CAPS2: variants seen among roughly 807,000 people sequenced by gnomAD.
CAPS2 encodes calcyphosine 2, also known as calcyphosin-2.
A neutral mutation model predicts 86.5 loss-of-function variants in CAPS2; 98 were observed. The ratio of observed to expected loss-of-function variants is 1.13; its 90% CI spans 0.96 to 1.34. CAPS2 has a LOEUF of 1.34. CAPS2 is among the 40% of genes most tolerant of loss of function. The pLI, the probability that CAPS2 is intolerant of heterozygous loss-of-function variation, is 0.00. For missense variants in CAPS2, 729 were observed against 686.8 expected (o/e 1.06, Z -0.69); for synonymous variants, 210 against 225.1 (o/e 0.93, Z 0.60).
At chr12:75,386,122 T>C (rs2045277206) in intron 1 of CAPS2, among the ~76,000 whole-genome samples, 1 of 152,138 alleles carries the variant, frequency 6.6e-6, no homozygotes, top group African/African-American at 2.4e-5. Flanking sequence ...CCAATCAAAA[T>C]TTCAGCAAGT....
At chr12:75,335,967 T>C (rs2139230893) in intron 1 of CAPS2, among the ~76,000 whole-genome samples, 2 of 152,086 alleles carry the variant, frequency 1.3e-5, no homozygotes, top group South Asian at 4.1e-4. Flanking sequence ...AAATGTTCTT[T>C]ATATTTCTTT....
At chr12:75,278,914 G>T in exon 17 of CAPS2, 1 of 1,592,854 alleles carries the variant, frequency 6.3e-7, no homozygotes, top group Non-Finnish European at 8.5e-7. Flanking sequence ...GAGTACGTAA[G>T]ATGTTAACAA....
chr12:75,347,583 G>A, intron 1 of CAPS2: 2 of 1,332,462 alleles, frequency 1.5e-6, no homozygotes, highest in Non-Finnish European at 1.1e-6. Context: ...GCATAGAATT[G>A]TTTTCCATAT....
At chr12:75,334,803 C>G, upstream of CAPS2, 1 of 1,614,098 alleles carries the variant, frequency 6.2e-7, no homozygotes, top group East Asian at 2.2e-5. Context: ...CTTCCAAAAT[C>G]CCATCCATCA....
rs540830300 is a variant in CAPS2, at chr12:75,310,968, TA to T, written c.659+1879del. On this transcript the variant is annotated intron_variant, in intron 7 of 16. Transcript: ENST00000393284. Reference sequence around the variant, plus strand: ...ATATACAACTGGTCAAAATAAAAAGTAAGGCCCTTCCAGCCATGGCAAGCCT... The same window carrying T: ...ATATACAACTGGTCAAAATAAAAAGTAGGCCCTTCCAGCCATGGCAAGCCT... 2.8e-3 allele frequency among the ~76,000 whole-genome samples: 432 copies of T among 152,182 alleles called. 4 individuals carry two copies. The highest frequency in any genetic ancestry group is 0.01 in the African/African-American group (420 of 41,492).
chr12:75,305,567 C>G (rs2038360935), intron 7 of CAPS2: 1 of 631,476 alleles, frequency 1.6e-6, no homozygotes, highest in Non-Finnish European at 3.0e-6. Context: ...CTGGCAGAGC[C>G]GCAGAGCCCT....
In CAPS2 at chr12:75,363,265, G is replaced by A. The variant is rs991518175; in HGVS notation, c.-395+27573C>T. ...TATATTTATTAAATTTTAAAATTTG[G>A]CTTCTCAAGTTTACAAACTATGGAC... On this transcript the variant is annotated intron_variant, in intron 1 of 5. Transcript: ENST00000551829. 3 of 654,424 alleles carry A rather than the reference G, an allele frequency of 4.6e-6. No individual in the cohort carries two copies. In the South Asian group the frequency reaches 1.3e-4, roughly 28 times the overall value. The allele number at this position is 654,424 out of a possible 1,614,324, so 40.5% of individuals were successfully genotyped here.
At chr12:75,301,234 A>G (rs10785184) in intron 8 of CAPS2, among the ~76,000 whole-genome samples, 85,837 of 152,100 alleles carry the variant, frequency 0.56, 24,777 homozygotes, top group South Asian at 0.75. Flanking sequence ...AAATGGCAGT[A>G]ATGTAATTAG....
intron 14 of CAPS2, among the ~76,000 whole-genome samples, chr12:75,285,816 G>A (rs1402300574): frequency 6.6e-6 from 1 of 151,896 alleles, no homozygotes; most frequent in African/African-American, 2.4e-5. Context: ...GTCCTGGAGT[G>A]CTTCCAATGG....
chr12:75,381,619 T>G (rs971208711), intron 1 of CAPS2, among the ~76,000 whole-genome samples: 1 of 145,164 alleles, frequency 6.9e-6, no homozygotes, highest in African/African-American at 2.6e-5. Flanking sequence ...TAAGTGTTTT[T>G]TTTTTTTTTT....
chr12:75,323,579 A>G (rs2040501769), intron 2 of CAPS2, among the ~76,000 whole-genome samples: 1 of 152,150 alleles, frequency 6.6e-6, no homozygotes, highest in African/African-American at 2.4e-5. Context: ...CTCTGTCTCT[A>G]CTAAAAATAC....
chr12:75,292,181 C>T (rs1187990240), intron 12 of CAPS2, among the ~76,000 whole-genome samples: 3 of 152,048 alleles, frequency 2.0e-5, no homozygotes, highest in Admixed American at 6.5e-5. Flanking sequence ...ATTCTCTCAC[C>T]TTAGCCTTGT....
chr12:75,374,732 G>T (rs1161231595), intron 1 of CAPS2, among the ~76,000 whole-genome samples: 1 of 152,210 alleles, frequency 6.6e-6, no homozygotes, highest in South Asian at 2.1e-4. Flanking sequence ...TGCTTGCTTT[G>T]CCAACTGAAG....
rs796342357 is a variant in CAPS2, at chr12:75,299,990, T to G, written c.780-79A>C. The G allele has an allele frequency of 3.0e-5, 17 of 569,866 alleles. No homozygotes were observed. In the African/African-American group the frequency reaches 3.3e-4, roughly 11 times the overall value. The allele number at this position is 569,866 out of a possible 1,614,324, so 35.3% of individuals were successfully genotyped here. ...GAAATTGTAAATGTACAAAAAAAGTTATGTTAATATTTTGAAACCACACAG... is the reference window on the plus strand; with the variant it reads ...GAAATTGTAAATGTACAAAAAAAGTGATGTTAATATTTTGAAACCACACAG... On this transcript the variant is annotated intron_variant, in intron 8 of 16. Coordinates refer to ENST00000393284, the Ensembl canonical transcript of CAPS2.
downstream of CAPS2, chr12:75,276,119 TC>T: frequency 1.5e-6 from 2 of 1,349,514 alleles, no homozygotes; most frequent in South Asian, 3.2e-5. Context: ...TACATCCATG[TC>T]CACCCTGCAG....
chr12:75,361,452 G>A (rs2043586015), intron 1 of CAPS2, among the ~76,000 whole-genome samples: 1 of 152,178 alleles, frequency 6.6e-6, no homozygotes, highest in African/African-American at 2.4e-5. Flanking sequence ...AACCCTATCT[G>A]CCTAGGCATC....
Position 75,341,381 on chromosome 12 carries a change from T to A in CAPS2, c.-394-18159A>T, listed in dbSNP as rs530959007. ...TGGCTCTCAAAGGCATTATGCTGAG[T>A]GAAGAGAAGCCAATCTCAAAATGGA... On this transcript the variant is annotated intron_variant, in intron 1 of 5. Coordinates refer to the CAPS2 transcript ENST00000551829. 4.6e-5 allele frequency among the ~76,000 whole-genome samples: 7 copies of A among 152,296 alleles called. No individual in the cohort carries two copies. In the East Asian group the frequency reaches 1.3e-3, roughly 29 times the overall value.
In CAPS2 at chr12:75,323,463, G is replaced by A. The variant is rs1419954766; in HGVS notation, c.132-241C>T. 2.0e-5 allele frequency among the ~76,000 whole-genome samples: 3 copies of A among 152,144 alleles called. No homozygotes were observed. The East Asian group carries it at 5.8e-4, about 29-fold the overall frequency. The stretch of plus-strand genomic sequence containing the variant: ...TTAAATTATATTAAATAAATACTTG[G>A]CCGGGCGCAGTGGCTTATGCCTGTA... On this transcript the variant is annotated intron_variant, in intron 2 of 16. Transcript: ENST00000393284.
intron 8 of CAPS2, among the ~76,000 whole-genome samples, chr12:75,303,538 G>T (rs1022945256): frequency 3.9e-5 from 6 of 152,136 alleles, no homozygotes; most frequent in Non-Finnish European, 8.8e-5. Context: ...CATGAGTGTT[G>T]TTCTGTTTTT....
Sources: gnomAD v4.1 joint callset for allele counts (sites outside exome capture counted in the v4.1 genomes callset) on GRCh38, gnomAD v4.1.1 for gene constraint, MANE v1.5 for transcripts, NCBI Gene and HGNC (gene_info 2026-07-23, HGNC 2026-07-21) for gene names.